The following CSMD1 variants were observed in gnomAD, a reference collection of about 807,000 sequenced individuals.
CSMD1 encodes CUB and Sushi multiple domains 1, also known as CUB and sushi domain-containing protein 1.
CSMD1 carries 213 observed loss-of-function variants against 417.5 expected under a neutral mutation model. That is an observed-to-expected ratio of 0.51 (90% CI 0.46 to 0.57). CSMD1 has a LOEUF of 0.57. Ranked by LOEUF, CSMD1 falls within the 20% of genes least tolerant of loss-of-function variation. CSMD1 has a pLI of 0.00. For synonymous variants in CSMD1, 2,862 were observed against 1,736.8 expected, an observed-to-expected ratio of 1.65 and a Z score of -16.11; for missense variants, 6,923 against 4,529.7, an observed-to-expected ratio of 1.53 and a Z score of -15.17.
intron 6 of CSMD1, among the ~76,000 whole-genome samples, chr8:3,730,049 G>C (rs998921221): frequency 6.6e-6 from 1 of 151,032 alleles, no homozygotes; most frequent in Middle Eastern, 3.4e-3. Flanking sequence ...TGTTTCCACA[G>C]GTCCTCTACC....
chr8:3,000,226 G>A, intron 52 of CSMD1, 95 bp from the exon 53 acceptor site: 2 of 734,330 alleles, frequency 2.7e-6, no homozygotes, highest in South Asian at 3.3e-5. Flanking sequence ...TAACAGTATT[G>A]AAGGCGCAAC....
chr8:4,615,429 C>G (rs1307284488), intron 2 of CSMD1, among the ~76,000 whole-genome samples: 1 of 152,124 alleles, frequency 6.6e-6, no homozygotes, highest in Non-Finnish European at 1.5e-5. Context: ...AAAAGTACAA[C>G]CGTTATTTAG....
chr8:4,273,453 T>A (rs937093544), intron 3 of CSMD1, among the ~76,000 whole-genome samples: 2 of 152,096 alleles, frequency 1.3e-5, no homozygotes, highest in African/African-American at 4.8e-5. Context: ...CTCTGGGGTT[T>A]CAGAAGCAAA....
At chr8:3,991,298 A>C (rs1015097383) in intron 5 of CSMD1, among the ~76,000 whole-genome samples, 1 of 152,194 alleles carries the variant, frequency 6.6e-6, no homozygotes, top group Non-Finnish European at 1.5e-5. Context: ...TTGCCTATTG[A>C]GTTTCAGGGT....
rs141837313 is a variant in CSMD1, at chr8:4,012,300, T to G, written c.611-14190A>C. On this transcript the variant is annotated intron_variant, in intron 4 of 69. Transcript: ENST00000635120. ...TCTGAGTCATCATGCCAGTTTCATT[T>G]CATCTTCCAATCCTTGGTAGGGTGT... Among the ~76,000 whole-genome samples the G allele has an allele frequency of 1.5e-3, 234 of 152,294 alleles. 1 individual carries two copies. The highest frequency in any genetic ancestry group is 4.3e-3 in the Admixed American group (66 of 15,298).
intron 3 of CSMD1, among the ~76,000 whole-genome samples, chr8:4,181,960 G>GTGTGTA (rs1185285386): frequency 7.4e-4 from 112 of 150,726 alleles, no homozygotes; most frequent in African/African-American, 2.5e-3. Flanking sequence ...GTGTCTGCGT[G>GTGTGTA]TGTGTGTGTG....
chr8:4,249,220 T>C (rs1190629830), intron 3 of CSMD1, among the ~76,000 whole-genome samples: 1 of 152,206 alleles, frequency 6.6e-6, no homozygotes, highest in Non-Finnish European at 1.5e-5. Flanking sequence ...GAGGAATTTA[T>C]GGTAACATAC....
At chr8:3,480,792 T>C (rs1817695953) in intron 11 of CSMD1, among the ~76,000 whole-genome samples, 1 of 152,054 alleles carries the variant, frequency 6.6e-6, no homozygotes, top group Non-Finnish European at 1.5e-5. Flanking sequence ...CTATATTCAG[T>C]GAATCTATCC....
chr8:4,289,481 G>C (rs942222549), intron 3 of CSMD1, among the ~76,000 whole-genome samples: 9 of 152,214 alleles, frequency 5.9e-5, no homozygotes, highest in African/African-American at 2.2e-4. Flanking sequence ...AGCCAGATTT[G>C]GACCACATAA....
At chr8:4,023,200 G>T (rs1031907660) in intron 4 of CSMD1, among the ~76,000 whole-genome samples, 1 of 152,162 alleles carries the variant, frequency 6.6e-6, no homozygotes, top group Non-Finnish European at 1.5e-5. Flanking sequence ...GCAGGCTACA[G>T]ACCTTCAGGG....
chr8:3,830,190 G>T (rs1199483580), intron 5 of CSMD1, among the ~76,000 whole-genome samples: 2 of 152,144 alleles, frequency 1.3e-5, no homozygotes, highest in Non-Finnish European at 2.9e-5. Flanking sequence ...TTTATGAAGT[G>T]GAACAAGGAT....
intron 40 of CSMD1, among the ~76,000 whole-genome samples, chr8:3,150,359 C>G (rs1415575804): frequency 6.6e-6 from 1 of 152,190 alleles, no homozygotes; most frequent in Non-Finnish European, 1.5e-5. Context: ...TCTTGTGGAA[C>G]AGTCATGTTG....
chr8:4,022,479 T>C (rs534605153), intron 4 of CSMD1, among the ~76,000 whole-genome samples: 10 of 152,212 alleles, frequency 6.6e-5, no homozygotes, highest in African/African-American at 2.4e-4. Context: ...TTGCTCAGGT[T>C]TAAAGACTTC....
chr8:3,524,167 G>A lies in CSMD1; in HGVS notation c.1345-30441C>T, dbSNP rs188301226. Reference sequence around the variant, plus strand: ...CACATATGCATGCACAGCCAGAGACGTGCACACACATGCACATACTCACAT... The same window carrying A: ...CACATATGCATGCACAGCCAGAGACATGCACACACATGCACATACTCACAT... On this transcript the variant is annotated intron_variant, in intron 10 of 69. Coordinates refer to ENST00000635120, the MANE Select transcript of CSMD1 (RefSeq NM_033225.6). Among the ~76,000 whole-genome samples, 293 of 141,398 alleles carry A rather than the reference G, an allele frequency of 2.1e-3. 1 individual carries two copies. The highest frequency in any genetic ancestry group is 7.6e-3 in the African/African-American group (286 of 37,492). 92.8% of individuals were successfully genotyped at this position (141,398 alleles called of 152,430 possible). A position where few individuals can be genotyped will look rare whatever the true frequency, so the allele number is the denominator to read the frequency against.
intron 2 of CSMD1, among the ~76,000 whole-genome samples, chr8:4,503,120 G>A (rs1328862474): frequency 6.6e-6 from 1 of 152,144 alleles, no homozygotes; most frequent in African/African-American, 2.4e-5. Context: ...AGAGAACTAT[G>A]TGTAATGGAT....
chr8:4,575,166 C>T (rs1482228855), intron 2 of CSMD1, among the ~76,000 whole-genome samples: 1 of 152,148 alleles, frequency 6.6e-6, no homozygotes, highest in Non-Finnish European at 1.5e-5. Context: ...GCACTGTGGC[C>T]AAGAACTGTA....
intron 1 of CSMD1, among the ~76,000 whole-genome samples, chr8:4,987,738 C>T (rs1026339523): frequency 6.6e-6 from 1 of 152,124 alleles, no homozygotes; most frequent in African/African-American, 2.4e-5. Context: ...GGGGCAGACC[C>T]TCCCTCAATG....
At chr8:4,630,113 A>T (rs1802420538) in intron 2 of CSMD1, among the ~76,000 whole-genome samples, 1 of 152,186 alleles carries the variant, frequency 6.6e-6, no homozygotes, top group African/African-American at 2.4e-5. Context: ...CAGCATGAGG[A>T]GGTAGTTGTC....
chr8:4,749,829 G>C (rs1811186718), intron 1 of CSMD1, among the ~76,000 whole-genome samples: 1 of 151,934 alleles, frequency 6.6e-6, no homozygotes, highest in African/African-American at 2.4e-5. Context: ...TGTTTTGCTG[G>C]TAATTTGGAA....
Sources: gnomAD v4.1 joint callset for allele counts (sites outside exome capture counted in the v4.1 genomes callset) on GRCh38, gnomAD v4.1.1 for gene constraint, MANE v1.5 for transcripts, NCBI Gene and HGNC (gene_info 2026-07-23, HGNC 2026-07-21) for gene names.